Variants in CCDC171 observed in about 807,000 individuals in gnomAD.
The protein encoded by CCDC171 is coiled-coil domain containing 171.
CCDC171 carries 177 observed loss-of-function variants against 168.2 expected under a neutral mutation model. The observed-to-expected ratio is 1.05, with a 90% CI of 0.93 to 1.19. CCDC171 has a LOEUF of 1.19. Ranked by LOEUF, CCDC171 falls within the 50% of genes most tolerant of loss-of-function variation. CCDC171 has a pLI of 0.00. For synonymous variants in CCDC171, 687 were observed against 540.8 expected (o/e 1.27, Z -3.75); for missense variants, 1,991 against 1,539.0 (o/e 1.29, Z -4.91).
chr9:16,092,228 A>G, the CCDC171 span, among the ~76,000 whole-genome samples: 2 of 152,140 alleles, frequency 1.3e-5, no homozygotes, highest in South Asian at 2.1e-4. Flanking sequence ...TCACATGGAG[A>G]GACATTCCTC....
chr9:16,036,921 C>G (rs898828380), intron 8 of CCDC171, among the ~76,000 whole-genome samples: 8 of 152,124 alleles, frequency 5.3e-5, no homozygotes, highest in African/African-American at 1.7e-4. Flanking sequence ...ATAAGTCAGG[C>G]ACAGAAAGAC....
intron 6 of CCDC171, among the ~76,000 whole-genome samples, chr9:15,600,940 G>A (rs757157705): frequency 5.3e-5 from 8 of 152,190 alleles, no homozygotes; most frequent in Admixed American, 1.3e-4. Context: ...CGAGCCAAGC[G>A]CGGGATACAA....
chr9:15,861,216 C>CTT (rs1554652750), intron 23 of CCDC171, among the ~76,000 whole-genome samples: 57,957 of 148,384 alleles, frequency 0.39, 11,516 homozygotes, highest in African/African-American at 0.43. Context: ...ATAGTTGGAT[C>CTT]TTTTTTTTTT....
intron 24 of CCDC171, among the ~76,000 whole-genome samples, chr9:15,896,297 A>G (rs550342015): frequency 6.6e-6 from 1 of 152,180 alleles, no homozygotes; most frequent in East Asian, 1.9e-4. Context: ...AGTCTAAACA[A>G]GATACAAAGA....
intron 24 of CCDC171, among the ~76,000 whole-genome samples, chr9:15,914,252 C>G (rs551663906): frequency 6.6e-6 from 1 of 152,286 alleles, no homozygotes; most frequent in East Asian, 1.9e-4. Context: ...ACAGCTGCCC[C>G]CCTTCCCCCA....
intron 3 of CCDC171, among the ~76,000 whole-genome samples, chr9:16,000,654 T>C (rs187107385): frequency 6.6e-6 from 1 of 152,178 alleles, no homozygotes; most frequent in Admixed American, 6.5e-5. Context: ...TCTGTAGATA[T>C]CTTTTGACTC....
At chr9:16,046,833 AT>A (rs1833670205) in intron 1 of CCDC171, among the ~76,000 whole-genome samples, 2 of 152,114 alleles carry the variant, frequency 1.3e-5, no homozygotes, top group South Asian at 4.1e-4. Flanking sequence ...TTCTTTACAA[AT>A]TACTCAGCCT....
At chr9:15,789,598 T>C (rs1045942150) in intron 21 of CCDC171, among the ~76,000 whole-genome samples, 3 of 152,080 alleles carry the variant, frequency 2.0e-5, no homozygotes, top group East Asian at 1.9e-4. Context: ...TAGATAGATA[T>C]ATTAATCTTT....
intron 16 of CCDC171, among the ~76,000 whole-genome samples, chr9:15,730,067 C>T (rs956035424): frequency 1.7e-4 from 25 of 151,512 alleles, no homozygotes; most frequent in African/African-American, 4.8e-4. Flanking sequence ...TAATTAAATG[C>T]GAAAATTATA....
Position 15,819,854 on chromosome 9 carries a change from C to T in CCDC171, c.3268-26848C>T, listed in dbSNP as rs1457948806. 4.2e-5 allele frequency among the ~76,000 whole-genome samples: 5 copies of T among 117,746 alleles called. 2 individuals are homozygous for T. Among genetic ancestry groups the T allele is most frequent in the African/African-American group, 1.6e-4 (5 of 31,274 alleles). The allele number at this position is 117,746 out of a possible 152,430, so 77.2% of individuals were successfully genotyped here. ...ACGAAGAGGACCTAATAGACATCTA[C>T]AGAACTCTCCACCCCAAATCAATAG... On this transcript the variant is annotated intron_variant, in intron 21 of 25. Transcript: ENST00000380701.
chr9:15,949,894 T>G (rs951217956), intron 25 of CCDC171, among the ~76,000 whole-genome samples: 12 of 152,068 alleles, frequency 7.9e-5, no homozygotes, highest in Non-Finnish European at 1.0e-4. Context: ...AGTTTTCAAA[T>G]GGAATGCTTC....
chr9:15,863,048 C>A (rs1002014196), intron 23 of CCDC171, among the ~76,000 whole-genome samples: 3 of 142,790 alleles, frequency 2.1e-5, no homozygotes, highest in African/African-American at 8.7e-5. Context: ...CACCCTTTTT[C>A]TCAAACCACC....
At chr9:16,030,056 C>T (rs753971328) in intron 6 of CCDC171, among the ~76,000 whole-genome samples, 17 of 152,146 alleles carry the variant, frequency 1.1e-4, no homozygotes, top group South Asian at 2.1e-4. Flanking sequence ...GAGGGCAAGG[C>T]GGCTCTCTGG....
intron 1 of CCDC171, among the ~76,000 whole-genome samples, chr9:16,047,316 C>T (rs1586859159): frequency 6.6e-6 from 1 of 152,168 alleles, no homozygotes; most frequent in East Asian, 1.9e-4. Context: ...TCTATCTATG[C>T]AGCTGCCCAA....
intron 7 of CCDC171, among the ~76,000 whole-genome samples, chr9:15,630,696 T>G (rs1364955797): frequency 6.6e-6 from 1 of 151,972 alleles, no homozygotes; most frequent in African/African-American, 2.4e-5. Context: ...TCTACAGAAC[T>G]CTCCACCCCA....
chr9:15,615,655 A>C (rs768873169), intron 6 of CCDC171, among the ~76,000 whole-genome samples: 4 of 152,316 alleles, frequency 2.6e-5, no homozygotes, highest in Non-Finnish European at 5.9e-5. Context: ...CTTTTTTTTA[A>C]AAAAGGATTA....
chr9:15,557,257 G>GT (rs1284507189), intron 1 of CCDC171, among the ~76,000 whole-genome samples: 8 of 152,232 alleles, frequency 5.3e-5, no homozygotes, highest in East Asian at 3.9e-4. Flanking sequence ...TTTTAAAGTA[G>GT]TTTTTTCCAA....
At chr9:15,595,865 T>C (rs2042307837) in intron 6 of CCDC171, among the ~76,000 whole-genome samples, 2 of 152,200 alleles carry the variant, frequency 1.3e-5, no homozygotes, top group African/African-American at 4.8e-5. Context: ...AGGTACCTCA[T>C]TGTGGTTTTG....
In CCDC171 at chr9:15,990,688, A is replaced by C. The variant is rs190236437; in HGVS notation, n.369-29901A>C. Among the ~76,000 whole-genome samples, 1,072 of 152,312 alleles carry C rather than the reference A, an allele frequency of 7.0e-3. 6 individuals are homozygous for C. Among genetic ancestry groups the C allele is most frequent in the Middle Eastern group, 0.017 (5 of 294 alleles). ...GCTGTATTCAGGACACCCATCTTACATGCAGAGCCACACATAGGCTCAAAA... is the reference window on the plus strand; with the variant it reads ...GCTGTATTCAGGACACCCATCTTACCTGCAGAGCCACACATAGGCTCAAAA... On this transcript the variant is annotated intron_variant and non_coding_transcript_variant, in intron 3 of 9. Coordinates refer to the CCDC171 transcript ENST00000486641.
Sources: gnomAD v4.1 joint callset for allele counts (sites outside exome capture counted in the v4.1 genomes callset) on GRCh38, gnomAD v4.1.1 for gene constraint, MANE v1.5 for transcripts, NCBI Gene and HGNC (gene_info 2026-07-23, HGNC 2026-07-21) for gene names.